MCTP1: variants seen among roughly 807,000 people sequenced by gnomAD.
The protein encoded by MCTP1 is multiple C2 and transmembrane domain-containing protein 1.
In MCTP1, 69 loss-of-function variants were observed where a neutral mutation model predicts 120.6. The ratio of observed to expected loss-of-function variants is 0.57; its 90% CI spans 0.47 to 0.70. The LOEUF is 0.70. Ranked by LOEUF, MCTP1 falls within the 30% of genes least tolerant of loss-of-function variation. The pLI is 0.00. For missense variants in MCTP1, 1,203 were observed against 1,248.8 expected, an observed-to-expected ratio of 0.96 and a Z score of 0.55; for synonymous variants, 529 against 493.1, an observed-to-expected ratio of 1.07 and a Z score of -0.96.
intron 1 of MCTP1, among the ~76,000 whole-genome samples, chr5:95,244,509 G>A (rs1433555269): frequency 6.6e-6 from 1 of 152,238 alleles, no homozygotes; most frequent in African/African-American, 2.4e-5. Context: ...CTTAGCAACC[G>A]GCAGACCAGG....
At chr5:94,796,741 G>T (rs1780168444) in intron 18 of MCTP1, among the ~76,000 whole-genome samples, 1 of 150,962 alleles carries the variant, frequency 6.6e-6, no homozygotes, top group Admixed American at 6.6e-5. Flanking sequence ...TGCACAGCTG[G>T]ATATGCCAGC....
intron 1 of MCTP1, among the ~76,000 whole-genome samples, chr5:95,025,408 T>C (rs560758934): frequency 2.6e-4 from 39 of 152,330 alleles, no homozygotes; most frequent in Admixed American, 1.0e-3. Flanking sequence ...TTCAGAGTTC[T>C]AGGCACAGTT....
intron 1 of MCTP1, among the ~76,000 whole-genome samples, chr5:95,138,240 C>CCCCA (rs373299855): frequency 2.0e-5 from 3 of 150,784 alleles, no homozygotes; most frequent in Non-Finnish European, 4.4e-5. Flanking sequence ...GCAACCCCCC[C>CCCCA]CCGACATTAA....
chr5:94,959,792 A>G (rs1581581589), intron 2 of MCTP1, among the ~76,000 whole-genome samples: 1 of 152,246 alleles, frequency 6.6e-6, no homozygotes, highest in Non-Finnish European at 1.5e-5. Context: ...ATGGAAAAAC[A>G]TTCCATGCTC....
chr5:95,167,403 T>C (rs942146686), intron 1 of MCTP1, among the ~76,000 whole-genome samples: 1 of 152,232 alleles, frequency 6.6e-6, no homozygotes, highest in Non-Finnish European at 1.5e-5. Flanking sequence ...GTATGATTTA[T>C]AATCCTTTGG....
At chr5:94,903,131 A>G (rs546798096) in intron 10 of MCTP1, among the ~76,000 whole-genome samples, 18 of 149,832 alleles carry the variant, frequency 1.2e-4, no homozygotes, top group South Asian at 1.1e-3. Flanking sequence ...CTAATGAACT[A>G]TTTCACTCAA....
intron 1 of MCTP1, among the ~76,000 whole-genome samples, chr5:95,118,255 G>T (rs369344585): frequency 6.6e-6 from 1 of 152,078 alleles, no homozygotes; most frequent in Admixed American, 6.6e-5. Flanking sequence ...AGAGGTTAAG[G>T]TGTAGAGTTT....
chr5:95,061,727 G>A lies in MCTP1; in HGVS notation c.721-44243C>T, dbSNP rs565955162. ...TGGGATTACAGGCGTGAGCCACCGC[G>A]CCCGGCCAAGGGTTGTTTTTAATAA... On this transcript the variant is annotated intron_variant, in intron 1 of 22. Transcript: ENST00000515393. 3.9e-5 allele frequency among the ~76,000 whole-genome samples: 6 copies of A among 152,150 alleles called. No homozygotes were observed. In the South Asian group the frequency reaches 8.3e-4, roughly 21 times the overall value.
chr5:94,791,500 T>TACACAC (rs1215532713), intron 18 of MCTP1, among the ~76,000 whole-genome samples: 2,974 of 149,134 alleles, frequency 0.02, 82 homozygotes, highest in Admixed American at 0.058. Flanking sequence ...GTTTCTAAAA[T>TACACAC]ACACACACAC....
At chr5:95,044,204 G>A (rs1214747613) in intron 1 of MCTP1, among the ~76,000 whole-genome samples, 1 of 152,196 alleles carries the variant, frequency 6.6e-6, no homozygotes, top group Non-Finnish European at 1.5e-5. Context: ...TCCACAGAAA[G>A]GGACTCTAGA....
intron 8 of MCTP1, among the ~76,000 whole-genome samples, chr5:94,916,614 CA>C (rs1290381210): frequency 6.6e-6 from 1 of 152,226 alleles, no homozygotes; most frequent in African/African-American, 2.4e-5. Context: ...AGAAACTTTG[CA>C]AACTATGAAA....
chr5:94,983,978 T>C (rs767886878), intron 2 of MCTP1, among the ~76,000 whole-genome samples: 4 of 152,206 alleles, frequency 2.6e-5, no homozygotes, highest in Non-Finnish European at 4.4e-5. Context: ...ATTATGAATA[T>C]TGAATTGCTC....
intron 17 of MCTP1, among the ~76,000 whole-genome samples, chr5:94,827,441 T>G (rs1450249488): frequency 6.6e-6 from 1 of 152,194 alleles, no homozygotes; most frequent in Non-Finnish European, 1.5e-5. Context: ...CTGACAATTA[T>G]GTGTCTTGGG....
chr5:94,875,801 G>A (rs1373171094), intron 12 of MCTP1, among the ~76,000 whole-genome samples: 1 of 150,776 alleles, frequency 6.6e-6, no homozygotes, highest in East Asian at 2.0e-4. Context: ...GCTCAGACTA[G>A]ATATTTCTAG....
intron 1 of MCTP1, among the ~76,000 whole-genome samples, chr5:95,264,912 G>A (rs1758763302): frequency 6.6e-6 from 1 of 152,186 alleles, no homozygotes; most frequent in Non-Finnish European, 1.5e-5. Context: ...GGTAAAGACA[G>A]AGACCTGATG....
intron 1 of MCTP1, among the ~76,000 whole-genome samples, chr5:95,085,287 A>C (rs1021259443): frequency 2.0e-5 from 3 of 152,096 alleles, no homozygotes; most frequent in Admixed American, 2.0e-4. Context: ...ACTTTTTATT[A>C]GATATGCACA....
rs180811760 is a variant in MCTP1, at chr5:94,945,484, C to T, written c.982-3057G>A. On this transcript the variant is annotated intron_variant, in intron 3 of 22. Transcript: ENST00000515393. The stretch of plus-strand genomic sequence containing the variant: ...TGGCTTCTGGGAAGTTTTAATTTGG[C>T]GGTTCAAATTATTCATGCACTTATT... 9.9e-5 allele frequency among the ~76,000 whole-genome samples: 15 copies of T among 152,084 alleles called. 1 individual carries two copies. The highest frequency in any genetic ancestry group is 3.9e-4 in the East Asian group (2 of 5,162).
chr5:94,780,093 C>A (rs925611156), intron 18 of MCTP1, among the ~76,000 whole-genome samples: 1 of 151,820 alleles, frequency 6.6e-6, no homozygotes, highest in African/African-American at 2.4e-5. Flanking sequence ...CAAGTAAGAC[C>A]CAACTTATTG....
chr5:95,069,547 C>G (rs1210937934), intron 1 of MCTP1, among the ~76,000 whole-genome samples: 1 of 151,650 alleles, frequency 6.6e-6, no homozygotes, highest in African/African-American at 2.4e-5. Context: ...ATCTGATATG[C>G]TTGTCTATGT....
Sources: gnomAD v4.1 joint callset for allele counts (sites outside exome capture counted in the v4.1 genomes callset) on GRCh38, gnomAD v4.1.1 for gene constraint, MANE v1.5 for transcripts, NCBI Gene and HGNC (gene_info 2026-07-23, HGNC 2026-07-21) for gene names.